Variants in MPDZ observed in about 807,000 individuals in gnomAD.
MPDZ encodes multiple PDZ domain crumbs cell polarity complex component.
A neutral mutation model predicts 239.1 loss-of-function variants in MPDZ; 234 were observed. The observed-to-expected ratio is 0.98, with a 90% CI of 0.88 to 1.09. MPDZ has a LOEUF of 1.09. Ranked by LOEUF, MPDZ falls within the 50% of genes least tolerant of loss-of-function variation. The pLI, the probability that MPDZ is intolerant of heterozygous loss-of-function variation, is 0.00. For synonymous variants in MPDZ, 1,048 were observed against 881.3 expected, an observed-to-expected ratio of 1.19 and a Z score of -3.35; for missense variants, 3,175 against 2,510.0, an observed-to-expected ratio of 1.26 and a Z score of -5.66.
chr9:13,278,324 C>T (rs1324868650), intron 1 of MPDZ, among the ~76,000 whole-genome samples: 1 of 152,140 alleles, frequency 6.6e-6, no homozygotes, highest in Non-Finnish European at 1.5e-5. Flanking sequence ...CGGGGTCTTC[C>T]CAAGCGGAGC....
At chr9:13,278,752 C>T (rs557506005) in intron 1 of MPDZ, among the ~76,000 whole-genome samples, 83 of 152,072 alleles carry the variant, frequency 5.5e-4, no homozygotes, top group Non-Finnish European at 9.8e-4. Context: ...GACGGGGCAC[C>T]GGTACCAATT....
chr9:13,276,043 T>G (rs1476455408), intron 1 of MPDZ, among the ~76,000 whole-genome samples: 1 of 152,228 alleles, frequency 6.6e-6, no homozygotes. Context: ...TTTCCTAGAA[T>G]CCCTGTAACA....
In MPDZ at chr9:13,138,105, A is replaced by G. The variant is rs1398772394; in HGVS notation, c.4052T>C (p.Ile1351Thr). 1.2e-5 allele frequency: 19 copies of G among 1,609,732 alleles called. No individual in the cohort carries two copies. Among genetic ancestry groups the G allele is most frequent in the Middle Eastern group, 1.7e-4 (1 of 6,054 alleles). Residue 1351 changes from isoleucine (I) to threonine (T), a missense_variant, in exon 29 of 47, where the codon ATT becomes ACT. Physicochemically the swap from Ile to Thr is moderately conservative, Grantham distance 89. Transcript: ENST00000319217. The stretch of plus-strand genomic sequence containing the variant: ...ACCACTATGACCTTTCTCCAGTTCA[A>G]TCATATGCAGCTCGCCTGTTAGGGT... The part of the protein sequence containing the change: ...YGTLTGELHM[I>T]ELEKGHSGLG...
intron 3 of MPDZ, among the ~76,000 whole-genome samples, chr9:13,238,474 T>A (rs940435498): frequency 1.3e-5 from 2 of 152,192 alleles, no homozygotes; most frequent in African/African-American, 4.8e-5. Context: ...GCCTTGCCCC[T>A]TCTTTCGGAT....
chr9:13,205,071 G>C lies in MPDZ; in HGVS notation c.1511C>G (p.Thr504Arg). The C allele has an allele frequency of 6.9e-7, 1 of 1,459,220 alleles. No homozygotes were observed. The highest frequency in any genetic ancestry group is 9.0e-7 in the Non-Finnish European group (1 of 1,108,222). The allele number at this position is 1,459,220 out of a possible 1,614,324, so 90.4% of individuals were successfully genotyped here. A position where few individuals can be genotyped will look rare whatever the true frequency, so the allele number is the denominator to read the frequency against. The change falls in exon 12 of 47, where the codon ACG becomes AGG. Residue 504 changes from threonine (T) to arginine (R), a missense_variant. Coordinates refer to ENST00000319217, the MANE Select transcript of MPDZ (RefSeq NM_001378778.1). ...YEKDEDFLSSTRNTNILPTEE... is the reference protein window; with the variant it reads ...YEKDEDFLSSRRNTNILPTEE... ...AGTTGGTAATATGTTGGTGTTTCTC[G>C]TCGAAGATAAAAAATCTTCATCTTT...
In MPDZ at chr9:13,183,530, G is replaced by C. The variant is rs200553028; in HGVS notation, c.2537C>G (p.Ser846Cys). The change falls in exon 19 of 47, where the codon TCT becomes TGT. Residue 846 changes from serine to cysteine, a missense_variant. Coordinates refer to ENST00000319217, the MANE Select transcript of MPDZ (RefSeq NM_001378778.1). ...VDESTFESPY[S>C]PENDSIYSTQ... ...AGAGTAGATGCTGTCATTTTCAGGA[G>C]AGTATGGAGACTCAAATGTGGATTC... 7.3e-4 allele frequency: 1,173 copies of C among 1,612,418 alleles called. 1 individual carries two copies. Among genetic ancestry groups the C allele is most frequent in the Non-Finnish European group, 9.5e-4 (1,117 of 1,179,114 alleles).
At chr9:13,138,371 G>A (rs564761770) in intron 28 of MPDZ, among the ~76,000 whole-genome samples, 1 of 152,180 alleles carries the variant, frequency 6.6e-6, no homozygotes, top group Non-Finnish European at 1.5e-5. Flanking sequence ...AGGGTGCAGA[G>A]AGCACAATGT....
chr9:13,235,287 A>G (rs1424057650), intron 3 of MPDZ, among the ~76,000 whole-genome samples: 1 of 151,944 alleles, frequency 6.6e-6, no homozygotes, highest in Non-Finnish European at 1.5e-5. Context: ...AATGAGACAC[A>G]AAATGGAGCA....
intron 21 of MPDZ, 137 bp downstream of exon 21, chr9:13,175,615 A>G: frequency 1.1e-6 from 1 of 883,478 alleles, no homozygotes; most frequent in African/African-American, 1.7e-5. Context: ...ATGAGGACAT[A>G]GAAATAAAAA....
At chr9:13,230,653 G>A (rs1252498659) in intron 3 of MPDZ, among the ~76,000 whole-genome samples, 1 of 152,078 alleles carries the variant, frequency 6.6e-6, no homozygotes, top group Non-Finnish European at 1.5e-5. Context: ...TAAAAGAATA[G>A]AATAAGGGAG....
rs774590252 is a variant in MPDZ at position 13,236,245 on chromosome 9, G to GTATATATATATA, written c.183+11389_183+11390insTATATATATATA. 4.4e-3 allele frequency among the ~76,000 whole-genome samples: 59 copies of GTATATATATATA among 13,452 alleles called. 4 individuals carry two copies. Among genetic ancestry groups the GTATATATATATA allele is most frequent in the East Asian group, 0.013 (1 of 78 alleles). 8.8% of individuals were successfully genotyped at this position (13,452 alleles called of 152,430 possible). On this transcript the variant is annotated intron_variant, in intron 3 of 46. Transcript: ENST00000319217. The stretch of plus-strand genomic sequence containing the variant: ...TGTGTGTATATGTATATGTGTGTGT[G>GTATATATATATA]TGTGTATATATATATATATATATTT...
intron 1 of MPDZ, among the ~76,000 whole-genome samples, chr9:13,261,140 G>C (rs984555532): frequency 6.6e-6 from 1 of 152,200 alleles, no homozygotes; most frequent in Admixed American, 6.5e-5. Flanking sequence ...GATAGAAGGT[G>C]GCTGAGTAAG....
At chr9:13,235,768 T>C (rs1034586496) in intron 3 of MPDZ, among the ~76,000 whole-genome samples, 1 of 152,182 alleles carries the variant, frequency 6.6e-6, no homozygotes, top group Non-Finnish European at 1.5e-5. Flanking sequence ...GTACAAAGCA[T>C]ATTTGTCTTA....
intron 9 of MPDZ, 120 bp downstream of exon 9, chr9:13,217,060 G>C: frequency 8.4e-6 from 7 of 833,340 alleles, no homozygotes; most frequent in Non-Finnish European, 1.3e-5. Context: ...TATTCCTAAG[G>C]AAGTTTTCAA....
At chr9:13,204,138 A>G (rs907636117) in intron 12 of MPDZ, among the ~76,000 whole-genome samples, 13 of 152,316 alleles carry the variant, frequency 8.5e-5, no homozygotes, top group Admixed American at 8.5e-4. Flanking sequence ...AAGCTTCGGT[A>G]TAAGTATATT....
chr9:13,189,229 T>C (rs943899172), intron 16 of MPDZ, among the ~76,000 whole-genome samples: 2 of 152,158 alleles, frequency 1.3e-5, no homozygotes, highest in African/African-American at 4.8e-5. Context: ...TGTTCCTGAG[T>C]AGACCTCTTA....
rs765230349 is a variant in MPDZ at position 13,222,334 on chromosome 9, C to A, written c.646G>T (p.Val216Phe). ...GAGCCTCTGGCAATAACTAGCTGGA[C>A]AGTATCTTTGGCTTTCTGCAGGATG... ...ISILQKAKDT[V>F]QLVIARGSLP... is the part of the protein sequence containing the mutation. The change falls in exon 6 of 47, where the codon GTC becomes TTC. Residue 216 changes from valine to phenylalanine, a missense_variant. Val to Phe is a conservative substitution (Grantham distance 50). Transcript: ENST00000319217. 2 of 1,613,036 alleles carry A rather than the reference C, an allele frequency of 1.2e-6. No homozygotes were observed. Among genetic ancestry groups the A allele is most frequent in the Admixed American group, 3.3e-5 (2 of 59,868 alleles).
At chr9:13,213,023 G>A (rs759765366) in intron 10 of MPDZ, among the ~76,000 whole-genome samples, 1 of 151,900 alleles carries the variant, frequency 6.6e-6, no homozygotes, top group African/African-American at 2.4e-5. Flanking sequence ...CAAAGGCAAC[G>A]TTTGACACTT....
chr9:13,262,450 C>CA (rs1208642810), intron 1 of MPDZ, among the ~76,000 whole-genome samples: 3 of 151,726 alleles, frequency 2.0e-5, no homozygotes, highest in East Asian at 3.9e-4. Context: ...GACCCTGTCT[C>CA]AAAAAAATAA....
Sources: allele counts gnomAD v4.1 joint callset (sites outside exome capture counted in the v4.1 genomes callset), GRCh38; gene constraint gnomAD v4.1.1; transcripts MANE v1.5; gene names NCBI Gene and HGNC (gene_info 2026-07-23, HGNC 2026-07-21).